NCKAP5: variants seen among roughly 807,000 people sequenced by gnomAD.
NCKAP5 encodes NCK associated protein 5, also known as nck-associated protein 5.
Under a neutral mutation model 167.0 loss-of-function variants are expected in NCKAP5, and 92 were observed. The ratio of observed to expected loss-of-function variants is 0.55; its 90% confidence interval spans 0.47 to 0.66. The LOEUF (loss-of-function observed/expected upper bound fraction) is 0.66, where lower values mean the gene tolerates loss of function less well. Ranked by LOEUF, NCKAP5 falls within the 30% of genes least tolerant of loss-of-function variation. The pLI is 0.00. For missense variants in NCKAP5, 2,378 were observed against 2,315.0 expected (o/e 1.03, Z -0.56); for synonymous variants, 891 against 877.4 (o/e 1.02, Z -0.27).
intron 9 of NCKAP5, among the ~76,000 whole-genome samples, chr2:132,872,862 G>A (rs1690936688): frequency 6.6e-6 from 1 of 152,204 alleles, no homozygotes; most frequent in South Asian, 2.1e-4. Context: ...CAGTGCCTAT[G>A]TTAACCTCAT....
chr2:132,987,501 A>T (rs958115378), intron 7 of NCKAP5, among the ~76,000 whole-genome samples: 1 of 152,228 alleles, frequency 6.6e-6, no homozygotes, highest in African/African-American at 2.4e-5. Context: ...TTATTTAAGG[A>T]AAAAGTAATT....
intron 3 of NCKAP5, among the ~76,000 whole-genome samples, chr2:133,417,467 G>T (rs915369407): frequency 3.9e-5 from 6 of 152,252 alleles, no homozygotes; most frequent in African/African-American, 1.4e-4. Flanking sequence ...CAGTGGGTCA[G>T]TCTGGCAAGT....
chr2:133,576,213 TC>T, the NCKAP5 span, among the ~76,000 whole-genome samples: 2 of 136,908 alleles, frequency 1.5e-5, no homozygotes, highest in East Asian at 4.6e-4. Flanking sequence ...TCTTTGTTCT[TC>T]CCATTCTTTT....
intron 3 of NCKAP5, among the ~76,000 whole-genome samples, chr2:133,450,596 A>C (rs1691491154): frequency 6.6e-6 from 1 of 152,232 alleles, no homozygotes; most frequent in African/African-American, 2.4e-5. Context: ...TCATTTAAAA[A>C]TATATATCCA....
chr2:133,218,574 G>A (rs917783636), intron 4 of NCKAP5, among the ~76,000 whole-genome samples: 20 of 152,156 alleles, frequency 1.3e-4, no homozygotes, highest in African/African-American at 4.8e-4. Context: ...AGACAGATAC[G>A]GAACTAGGAA....
chr2:133,631,051 A>G, the NCKAP5 span, among the ~76,000 whole-genome samples: 2 of 152,258 alleles, frequency 1.3e-5, no homozygotes, highest in Non-Finnish European at 2.9e-5. Context: ...TAGATTAACA[A>G]CTATAGATTT....
At chr2:132,679,936 G>T (rs1242338245) in intron 19 of NCKAP5, among the ~76,000 whole-genome samples, 1 of 152,122 alleles carries the variant, frequency 6.6e-6, no homozygotes, top group Non-Finnish European at 1.5e-5. Flanking sequence ...CAAGGGAAAA[G>T]ATGCAACTCA....
chr2:133,114,001 A>G (rs981746553), intron 6 of NCKAP5, among the ~76,000 whole-genome samples: 1 of 152,216 alleles, frequency 6.6e-6, no homozygotes, highest in Non-Finnish European at 1.5e-5. Flanking sequence ...TTCATCAAGG[A>G]GAACACATTT....
At chr2:133,600,392 G>A in the NCKAP5 span, among the ~76,000 whole-genome samples, 2 of 151,832 alleles carry the variant, frequency 1.3e-5, no homozygotes, top group African/African-American at 4.8e-5. Context: ...GGCCTCTAGG[G>A]AAAAAAAAGA....
rs1279851792 is a variant in NCKAP5, at chr2:132,731,964, A to G, written c.5216T>C (p.Leu1739Pro). The change falls in exon 17 of 20, where the codon CTA becomes CCA. Residue 1739 changes from leucine (L) to proline (P), a missense_variant. Leu to Pro is a moderately conservative substitution (Grantham distance 98). Around this residue, in one of 3 missense-constraint regions of NCKAP5, gnomAD observed 1,325 missense variants for 1,274.5 expected, o/e 1.04. Transcript: ENST00000409261. ...DSGNRSTGRY[L>P]CQPDSPEDAE... is the part of the protein sequence containing the mutation. ...GTCCTCTGGGGAGTCTGGCTGGCAT[A>G]GGTAGCGTCCTGTCGAGCGATTTCC... 3.7e-6 allele frequency: 6 copies of G among 1,613,830 alleles called. No homozygotes were observed. Among genetic ancestry groups the G allele is most frequent in the South Asian group, 2.2e-5 (2 of 91,088 alleles).
chr2:133,543,857 A>G (rs558358949), intron 2 of NCKAP5, among the ~76,000 whole-genome samples: 1 of 152,274 alleles, frequency 6.6e-6, no homozygotes, highest in East Asian at 1.9e-4. Flanking sequence ...TACAGTGTGG[A>G]CTCACAAGCA....
chr2:133,559,425 C>T (rs566220331), intron 1 of NCKAP5, among the ~76,000 whole-genome samples: 2 of 152,288 alleles, frequency 1.3e-5, no homozygotes. Context: ...TTCAAGTTAT[C>T]CTCCAATCTC....
At chr2:133,247,979 A>C (rs2088091404) in intron 4 of NCKAP5, among the ~76,000 whole-genome samples, 1 of 152,240 alleles carries the variant, frequency 6.6e-6, no homozygotes. Flanking sequence ...TCATGTGTTG[A>C]CTAGTCACAT....
intron 3 of NCKAP5, among the ~76,000 whole-genome samples, chr2:133,352,997 G>A (rs2150825316): frequency 6.6e-6 from 1 of 152,334 alleles, no homozygotes; most frequent in South Asian, 2.1e-4. Context: ...ATGCAAGCTT[G>A]TCTTGTTAGA....
chr2:132,940,083 T>C (rs1189047492), intron 8 of NCKAP5, among the ~76,000 whole-genome samples: 1 of 152,146 alleles, frequency 6.6e-6, no homozygotes, highest in Non-Finnish European at 1.5e-5. Flanking sequence ...ATTATATCAT[T>C]CTTATGCCTT....
chr2:133,082,969 A>G (rs1025696), intron 6 of NCKAP5, among the ~76,000 whole-genome samples: 48,531 of 151,934 alleles, frequency 0.32, 8,327 homozygotes, highest in African/African-American at 0.39. Flanking sequence ...ATTCCTCCCC[A>G]GAAACGAAGA....
intron 19 of NCKAP5, among the ~76,000 whole-genome samples, chr2:132,712,439 C>G (rs1174513671): frequency 6.6e-6 from 1 of 152,116 alleles, no homozygotes; most frequent in Non-Finnish European, 1.5e-5. Flanking sequence ...ATCATGAGGT[C>G]AGGAGATTGG....
chr2:132,918,236 C>A (rs879599655), intron 8 of NCKAP5, among the ~76,000 whole-genome samples: 12 of 152,166 alleles, frequency 7.9e-5, no homozygotes, highest in Non-Finnish European at 1.6e-4. Flanking sequence ...CCATTTTCTT[C>A]CTGATGTCTC....
intron 16 of NCKAP5, among the ~76,000 whole-genome samples, chr2:132,766,927 T>C (rs889678433): frequency 2.0e-5 from 3 of 152,224 alleles, no homozygotes; most frequent in African/African-American, 7.2e-5. Context: ...ATTACCACTG[T>C]GGATTAGATA....
Sources: allele counts gnomAD v4.1 joint callset (sites outside exome capture counted in the v4.1 genomes callset), GRCh38; gene constraint gnomAD v4.1.1; regional missense constraint gnomAD v4.1.1; transcripts MANE v1.5; gene names NCBI Gene and HGNC (gene_info 2026-07-23, HGNC 2026-07-21).